Variants in SLC43A3 observed in about 807,000 individuals in gnomAD.
The protein encoded by SLC43A3 is equilibrative nucleobase transporter 1.
SLC43A3 carries 33 observed loss-of-function variants against 53.3 expected under a neutral mutation model. That is an observed-to-expected ratio of 0.62 (90% CI 0.47 to 0.83). The LOEUF is 0.83. Among genes scored for constraint, SLC43A3 ranks in the 40% least tolerant of loss-of-function variants. SLC43A3 has a pLI of 0.00. For synonymous variants in SLC43A3, 236 were observed against 246.2 expected (o/e 0.96, Z 0.39); for missense variants, 530 against 610.0 (o/e 0.87, Z 1.38).
intron 4 of SLC43A3, 129 bp downstream of exon 4, chr11:57,425,412 G>A: frequency 1.1e-6 from 1 of 910,840 alleles, no homozygotes; most frequent in East Asian, 2.4e-5. Flanking sequence ...CAGCTGCTGG[G>A]AGCGAGCTGC....
At position 57,424,027 on chromosome 11, in the gene SLC43A3, A is replaced by C. The variant is rs747979107; in HGVS notation, c.316T>G (p.Phe106Val). ...ATGAGTGTGGCGGTGGTGTAGAAAA[A>C]TCTGAAACACATAACAGGAAAAGCA... is the stretch of plus-strand genomic sequence containing the variant. Reference protein sequence around the residue: ...KTTVARLIAIFFYTTATLIIA... With the variant: ...KTTVARLIAIVFYTTATLIIA... Residue 106 changes from phenylalanine to valine, a missense_variant and splice_region_variant, in exon 5 of 14, where the codon TTT (phenylalanine) becomes GTT (valine). By Grantham distance (50) the Phe-to-Val change is conservative. Transcript: ENST00000395124. 1 of 1,614,028 alleles carries C rather than the reference A, an allele frequency of 6.2e-7. No homozygotes were observed. Among genetic ancestry groups the C allele is most frequent in the Non-Finnish European group, 8.5e-7 (1 of 1,179,930 alleles).
Position 57,406,972 on chromosome 11 carries a change from C to T in SLC43A3, c.*820G>A, listed in dbSNP as rs1365148413. ...ACAGTAGTTGCCTTAGACACAGAAG[C>T]TTTATTTTTCTATAAAATTATTCCC... On this transcript the variant is annotated 3_prime_UTR_variant, in exon 14 of 14. Coordinates refer to ENST00000395124, the MANE Select transcript of SLC43A3 (RefSeq NM_199329.3). 6.6e-6 allele frequency: 1 copy of T among 152,172 alleles called. No homozygotes were observed. Among genetic ancestry groups the T allele is most frequent in the African/African-American group, 2.4e-5 (1 of 41,422 alleles). The allele number at this position is 152,172 out of a possible 1,614,324, so 9.4% of individuals were successfully genotyped here.
chr11:57,411,866 T>C lies in SLC43A3; in HGVS notation c.1061-1745A>G, dbSNP rs931744138. 1.2e-4 allele frequency among the ~76,000 whole-genome samples: 18 copies of C among 152,232 alleles called. 1 individual carries two copies. The highest frequency in any genetic ancestry group is 4.1e-4 in the African/African-American group (17 of 41,534). On this transcript the variant is annotated intron_variant, in intron 11 of 13. Coordinates refer to ENST00000395124, the MANE Select transcript of SLC43A3 (RefSeq NM_199329.3). Reference sequence around the variant, plus strand: ...AAAATACTATATATGTGTATGTACATTTACATATGCATATGTTAGGAACCA... The same window carrying C: ...AAAATACTATATATGTGTATGTACACTTACATATGCATATGTTAGGAACCA...
chr11:57,416,271 C>T (rs1428589178), intron 9 of SLC43A3, among the ~76,000 whole-genome samples: 2 of 152,024 alleles, frequency 1.3e-5, no homozygotes, highest in African/African-American at 4.8e-5. Context: ...AGACTTAGTG[C>T]AATGGCATCA....
chr11:57,409,115 G>A (rs1464652445), intron 13 of SLC43A3, 60 bp downstream of exon 13: 6 of 1,590,042 alleles, frequency 3.8e-6, no homozygotes, highest in Non-Finnish European at 4.3e-6. Flanking sequence ...CCAGATTTGG[G>A]GCAGCCAAGG....
Position 57,407,836 on chromosome 11 carries a change from G to A in SLC43A3, c.1432C>T (p.Arg478Trp), listed in dbSNP as rs866852555. Residue 478 changes from arginine to tryptophan, a missense_variant, in exon 14 of 14, where the codon CGG (arginine) becomes TGG (tryptophan). Transcript: ENST00000395124. ...CTTTCTTTCCAAGTACGGCATTCCC[G>A]ATATACCAGAAAGGGGTGGAAGAAT... is the stretch of plus-strand genomic sequence containing the variant. Reference protein sequence around the residue: ...LTFFHPFLVYRECRTWKESPS... With the variant: ...LTFFHPFLVYWECRTWKESPS... 11 of 1,613,438 alleles carry A rather than the reference G, an allele frequency of 6.8e-6. No homozygotes were observed. The highest frequency in any genetic ancestry group is 6.7e-5 in the African/African-American group (5 of 74,900).
intron 11 of SLC43A3, among the ~76,000 whole-genome samples, chr11:57,413,500 G>A (rs1238350376): frequency 2.0e-5 from 3 of 152,152 alleles, no homozygotes; most frequent in East Asian, 1.9e-4. Flanking sequence ...AAATATTTAC[G>A]GATGAAATGA....
rs910268365 is a variant in SLC43A3, at chr11:57,416,601, C to T, written c.741G>A (p.Gln247=). 6 of 1,614,096 alleles carry T rather than the reference C, an allele frequency of 3.7e-6. No individual in the cohort carries two copies. The highest frequency in any genetic ancestry group is 5.1e-6 in the Non-Finnish European group (6 of 1,179,988). The change falls in exon 9 of 14, where the codon CAG becomes CAA. Residue 247 remains glutamine, a synonymous_variant. Coordinates refer to ENST00000395124, the MANE Select transcript of SLC43A3 (RefSeq NM_199329.3). The stretch of plus-strand genomic sequence containing the variant: ...CCTTCGCTGAAAGGAACTCCTTTGA[C>T]TGTAGCTCCCTGTTTTCATGCTCAG... ...ETAEHENREL[Q]SKEFLSAKEE... is the part of the protein sequence containing the mutation.
chr11:57,424,028 T>C lies in SLC43A3; in HGVS notation c.315A>G (p.Ile105Met). ...FKTTVARLIA[I>M]FFYTTATLII... ...TGAGTGTGGCGGTGGTGTAGAAAAA[T>C]CTGAAACACATAACAGGAAAAGCAG... is the stretch of plus-strand genomic sequence containing the variant. The change falls in exon 5 of 14, where the codon ATA becomes ATG. Residue 105 changes from isoleucine to methionine, a missense_variant and splice_region_variant. Transcript: ENST00000395124. The C allele has an allele frequency of 1.9e-6, 3 of 1,613,704 alleles. No homozygotes were observed. Among genetic ancestry groups the C allele is most frequent in the Non-Finnish European group, 2.5e-6 (3 of 1,179,856 alleles).
rs780451280 is a variant in SLC43A3, at chr11:57,421,022, G to C, written c.481C>G (p.Leu161Val). 1 of 1,613,950 alleles carries C rather than the reference G, an allele frequency of 6.2e-7. No homozygotes were observed. Among genetic ancestry groups the C allele is most frequent in the South Asian group, 1.1e-5 (1 of 91,076 alleles). ...FGQHRSTIIT[L>V]YNGAFDSSSA... ...GAAGAGTCAAATGCTCCATTGTACA[G>C]AGTGATGATGGTCGAACGGTGTTGG... Residue 161 changes from leucine to valine, a missense_variant, in exon 7 of 14, where the codon CTG (leucine) becomes GTG (valine). Physicochemically the swap from Leu to Val is conservative, Grantham distance 32. Around this residue, in one of 3 missense-constraint regions of SLC43A3, gnomAD observed 376 missense variants for 386.7 expected, o/e 0.97. Coordinates refer to ENST00000395124, the MANE Select transcript of SLC43A3 (RefSeq NM_199329.3).
Position 57,416,721 on chromosome 11 carries a change from T to A in SLC43A3, c.672-51A>T. ...AAGGCCAAGGACTGTGAGCCGAACC[T>A]GAGACTCAGACTGGAGGGAATAGCA... On this transcript the variant is annotated intron_variant, in intron 8 of 13. Transcript: ENST00000395124. 7 of 1,403,472 alleles carry A rather than the reference T, an allele frequency of 5.0e-6. No individual in the cohort carries two copies. In the South Asian group the frequency reaches 8.1e-5, roughly 16 times the overall value. The allele number at this position is 1,403,472 out of a possible 1,614,324, so 86.9% of individuals were successfully genotyped here.
intron 8 of SLC43A3, 150 bp downstream of exon 8, chr11:57,417,598 T>G: frequency 5.4e-6 from 5 of 924,500 alleles, no homozygotes; most frequent in Non-Finnish European, 6.4e-6. Context: ...TTTAGGCTGC[T>G]GAGTTTTGAG....
rs1943184381 is a variant in SLC43A3, at chr11:57,425,897, G to A, written c.184+92C>T. The A allele has an allele frequency of 5.0e-6, 7 of 1,402,626 alleles. No homozygotes were observed. In the Admixed American group the frequency reaches 1.1e-4, roughly 23 times the overall value. 86.9% of individuals were successfully genotyped at this position (1,402,626 alleles called of 1,614,324 possible). A position where few individuals can be genotyped will look rare whatever the true frequency, so the allele number is the denominator to read the frequency against. Reference sequence around the variant, plus strand: ...CTGACCCTTCCTCTCATCATAGAAAGAGGGGTGGGCAGGGGGCAGAGTCCT... The same window carrying A: ...CTGACCCTTCCTCTCATCATAGAAAAAGGGGTGGGCAGGGGGCAGAGTCCT... On this transcript the variant is annotated intron_variant, in intron 3 of 13. Coordinates refer to ENST00000395124, the MANE Select transcript of SLC43A3 (RefSeq NM_199329.3).
chr11:57,416,932 G>A (rs2135019621), intron 8 of SLC43A3, among the ~76,000 whole-genome samples: 1 of 152,326 alleles, frequency 6.6e-6, no homozygotes. Flanking sequence ...AAAGAGTAGG[G>A]CAGGCCCAGG....
chr11:57,426,471 G>A, intron 2 of SLC43A3, 117 bp downstream of exon 2: 1 of 413,518 alleles, frequency 2.4e-6, no homozygotes, highest in Non-Finnish European at 4.4e-6. Context: ...GGCAGCAAAT[G>A]TGGGGAATAA....
At chr11:57,424,119 T>A in intron 4 of SLC43A3, 91 bp from the exon 5 acceptor site, 2 of 1,321,196 alleles carry the variant, frequency 1.5e-6, no homozygotes, top group Non-Finnish European at 2.1e-6. Context: ...CCCACAAGTG[T>A]AGGACTTGAC....
chr11:57,425,011 A>G (rs1030593982), intron 4 of SLC43A3, among the ~76,000 whole-genome samples: 7 of 152,062 alleles, frequency 4.6e-5, no homozygotes, highest in African/African-American at 1.7e-4. Flanking sequence ...CCCTCCAGTC[A>G]GAAGGGACCT....
Position 57,425,941 on chromosome 11 carries a change from C to T in SLC43A3, c.184+48G>A, listed in dbSNP as rs376345898. ...GAGTCCTTCCTGCTCCTTGCCACCACGTGGGAGCCAGACTTAACTTCCTTA... is the reference window on the plus strand; with the variant it reads ...GAGTCCTTCCTGCTCCTTGCCACCATGTGGGAGCCAGACTTAACTTCCTTA... On this transcript the variant is annotated intron_variant, in intron 3 of 13. Coordinates refer to ENST00000395124, the MANE Select transcript of SLC43A3 (RefSeq NM_199329.3). The T allele has an allele frequency of 5.1e-5, 81 of 1,575,956 alleles. No homozygotes were observed. The African/African-American group carries it at 9.8e-4, about 19-fold the overall frequency.
chr11:57,408,827 G>A, intron 13 of SLC43A3: 2 of 245,988 alleles, frequency 8.1e-6, no homozygotes, highest in Non-Finnish European at 1.6e-5. Flanking sequence ...ATCCCTCCAG[G>A]TGTAAGGACA....
Sources: gnomAD v4.1 joint callset for allele counts (sites outside exome capture counted in the v4.1 genomes callset) on GRCh38, gnomAD v4.1.1 for gene constraint, gnomAD v4.1.1 regional missense constraint, MANE v1.5 for transcripts, NCBI Gene and HGNC (gene_info 2026-07-23, HGNC 2026-07-21) for gene names.